The following RIOX2 variants were observed in gnomAD, a reference collection of about 807,000 sequenced individuals.
RIOX2 encodes 60S ribosomal protein L27a histidine hydroxylase.
RIOX2 carries 43 observed loss-of-function variants against 51.2 expected under a neutral mutation model. The ratio of observed to expected loss-of-function variants is 0.84; its 90% CI spans 0.66 to 1.08. The LOEUF (loss-of-function observed/expected upper bound fraction) is 1.08. RIOX2 is among the 50% of genes least tolerant of loss of function. RIOX2 has a pLI of 0.00. For synonymous variants in RIOX2, 226 were observed against 218.5 expected (o/e 1.03, Z -0.30); for missense variants, 566 against 561.7 (o/e 1.01, Z -0.08).
In RIOX2 at chr3:97,967,826, A is replaced by T. The variant is rs184563430; in HGVS notation, c.-39-194T>A. ...TCTTCTAAGATATGATTCAAGCTCAACCACCACTCAGATGACATATTCATC... is the reference window on the plus strand; with the variant it reads ...TCTTCTAAGATATGATTCAAGCTCATCCACCACTCAGATGACATATTCATC... On this transcript the variant is annotated intron_variant, in intron 1 of 9. Coordinates refer to ENST00000394198, the MANE Select transcript of RIOX2 (RefSeq NM_153182.4). 1.7e-3 allele frequency among the ~76,000 whole-genome samples: 260 copies of T among 152,310 alleles called. 3 individuals carry two copies. The highest frequency in any genetic ancestry group is 6.0e-3 in the African/African-American group (251 of 41,562).
chr3:97,959,881 T>A (rs1420453424), intron 3 of RIOX2, among the ~76,000 whole-genome samples: 1 of 152,216 alleles, frequency 6.6e-6, no homozygotes, highest in Non-Finnish European at 1.5e-5. Context: ...CCATTTGCAG[T>A]CAAGAAATGT....
At chr3:97,959,027 G>T (rs202065474) in intron 4 of RIOX2, 24 bp downstream of exon 4, 153 of 1,583,160 alleles carry the variant, frequency 9.7e-5, no homozygotes, top group Non-Finnish European at 1.3e-4. Flanking sequence ...TAACAATGAG[G>T]TGCCCACAAC....
At chr3:97,967,066 C>G in intron 2 of RIOX2, 96 bp downstream of exon 2, 1 of 1,314,270 alleles carries the variant, frequency 7.6e-7, no homozygotes, top group Non-Finnish European at 1.1e-6. Context: ...AAGAGACTAA[C>G]CATCATCAAA....
At position 97,944,841 on chromosome 3, in the gene RIOX2, G is replaced by T. The variant is rs2040316397; in HGVS notation, c.*343C>A. 1 of 167,784 alleles carries T rather than the reference G, an allele frequency of 6.0e-6. No homozygotes were observed. Among genetic ancestry groups the T allele is most frequent in the Admixed American group, 6.4e-5 (1 of 15,748 alleles). 10.4% of individuals were successfully genotyped at this position (167,784 alleles called of 1,614,324 possible). On this transcript the variant is annotated 3_prime_UTR_variant, in exon 10 of 10. Coordinates refer to ENST00000394198, the MANE Select transcript of RIOX2 (RefSeq NM_153182.4). ...TGTTTGAAATTTTTCTAGAGCCAAA[G>T]AAGCTCTTTAAAGAAGTTGTTTCTT...
rs911989343 is a variant in RIOX2, at chr3:97,943,378, C to T, written c.*1806G>A. 17 of 933,476 alleles carry T rather than the reference C, an allele frequency of 1.8e-5. No individual in the cohort carries two copies. The highest frequency in any genetic ancestry group is 2.7e-5 in the Non-Finnish European group (16 of 585,490). 57.8% of individuals were successfully genotyped at this position (933,476 alleles called of 1,614,324 possible). ...AAGAAGGAAACACATCTGTCATTGT[C>T]TTGTGGACGTGGAAAGGAAGCTACT... is the stretch of plus-strand genomic sequence containing the variant. On this transcript the variant is annotated 3_prime_UTR_variant, in exon 10 of 10. Coordinates refer to ENST00000394198, the MANE Select transcript of RIOX2 (RefSeq NM_153182.4).
chr3:97,956,486 T>C (rs1705454801), intron 4 of RIOX2, among the ~76,000 whole-genome samples: 1 of 152,140 alleles, frequency 6.6e-6, no homozygotes, highest in South Asian at 2.1e-4. Flanking sequence ...CATACAGATA[T>C]TGCCTCTAAA....
chr3:97,945,151 A>T lies in RIOX2; in HGVS notation c.*33T>A. The T allele has an allele frequency of 6.4e-7, 1 of 1,573,240 alleles. No individual in the cohort carries two copies. ...TTTGCTTTTCTTTTAATATATGCAT[A>T]TAAAATAGTAGGCATTTGATTCTGC... On this transcript the variant is annotated 3_prime_UTR_variant, in exon 10 of 10. Coordinates refer to ENST00000394198, the MANE Select transcript of RIOX2 (RefSeq NM_153182.4).
rs1192756704 is a variant in RIOX2 at position 97,954,439 on chromosome 3, C to T, written c.738G>A (p.Ala246=). 16 of 1,613,962 alleles carry T rather than the reference C, an allele frequency of 9.9e-6. No individual in the cohort carries two copies. Among genetic ancestry groups the T allele is most frequent in the South Asian group, 3.3e-5 (3 of 91,080 alleles). Residue 246 remains alanine, a synonymous_variant, in exon 5 of 10, where the codon GCG becomes GCA. Coordinates refer to ENST00000394198, the MANE Select transcript of RIOX2 (RefSeq NM_153182.4). ...RGTIHQADTP[A]GLAHSTHVTI... ...TCACGTGAGTAGAGTGGGCCAGCCC[C>T]GCAGGAGTGTCCGCTTGATGAATGG...
At chr3:97,952,303 C>A (rs528007526) in intron 5 of RIOX2, 1 of 1,134,574 alleles carries the variant, frequency 8.8e-7, no homozygotes, top group South Asian at 1.3e-5. Flanking sequence ...ATCATGGTAC[C>A]CACCCACAAT....
intron 7 of RIOX2, among the ~76,000 whole-genome samples, chr3:97,948,768 A>G (rs1370091032): frequency 1.3e-5 from 2 of 152,078 alleles, no homozygotes; most frequent in African/African-American, 2.4e-5. Flanking sequence ...TGAGTCCTAT[A>G]AGTCTTTTCT....
At chr3:97,953,299 C>T (rs1431114020) in intron 5 of RIOX2, among the ~76,000 whole-genome samples, 2 of 152,194 alleles carry the variant, frequency 1.3e-5, no homozygotes, top group Admixed American at 1.3e-4. Flanking sequence ...TCTCTCAAAA[C>T]CCCTTCGATA....
rs1409368848 is a variant in RIOX2, at chr3:97,945,856, T to C, written c.1181A>G (p.Tyr394Cys). Reference protein sequence around the residue: ...DEAQEKMVYIYHSLKNSRETH... With the variant: ...DEAQEKMVYICHSLKNSRETH... ...CTCTCTACTATTCTTTAAGGAATGA[T>C]AGATGTACACCATCTTTTCTTGAGC... The change falls in exon 9 of 10, where the codon TAT becomes TGT. Residue 394 changes from tyrosine (Y) to cysteine (C), a missense_variant. Physicochemically the swap from Tyr to Cys is radical, Grantham distance 194. Transcript: ENST00000394198. The C allele has an allele frequency of 1.9e-6, 3 of 1,610,470 alleles. No individual in the cohort carries two copies. The highest frequency in any genetic ancestry group is 2.2e-5 in the East Asian group (1 of 44,834).
chr3:97,950,516 C>T (rs1041564539), intron 6 of RIOX2, among the ~76,000 whole-genome samples: 2 of 152,150 alleles, frequency 1.3e-5, no homozygotes, highest in African/African-American at 4.8e-5. Flanking sequence ...TTCTCCTGGC[C>T]GTACTATTCA....
chr3:97,956,472 C>G (rs530634934), intron 4 of RIOX2, among the ~76,000 whole-genome samples: 3 of 152,084 alleles, frequency 2.0e-5, no homozygotes, highest in South Asian at 4.1e-4. Flanking sequence ...AAAACTCAGA[C>G]AGACATACAG....
chr3:97,954,989 G>C (rs1245163504), intron 4 of RIOX2, among the ~76,000 whole-genome samples: 1 of 152,116 alleles, frequency 6.6e-6, no homozygotes, highest in Non-Finnish European at 1.5e-5. Context: ...AACCTTACAG[G>C]ATTATTTTGA....
intron 7 of RIOX2, 87 bp from the exon 8 acceptor site, chr3:97,947,536 A>G (rs1315901042): frequency 1.0e-6 from 1 of 963,088 alleles, no homozygotes; most frequent in East Asian, 2.4e-5. Flanking sequence ...TAGGAAACAC[A>G]TTTACTAACA....
At chr3:97,947,527 A>G in intron 7 of RIOX2, 78 bp from the exon 8 acceptor site, 1 of 1,046,954 alleles carries the variant, frequency 9.6e-7, no homozygotes, top group Non-Finnish European at 1.5e-6. Flanking sequence ...ACATACACAT[A>G]GGAAACACAT....
Position 97,949,848 on chromosome 3 carries a change from T to C in RIOX2, c.1056A>G (p.Thr352=), listed in dbSNP as rs978431832. 7 of 1,613,072 alleles carry C rather than the reference T, an allele frequency of 4.3e-6. No homozygotes were observed. In the African/African-American group the frequency reaches 8.0e-5, roughly 18 times the overall value. The change falls in exon 7 of 10, where the codon ACA becomes ACG. Residue 352 remains threonine, a synonymous_variant. Transcript: ENST00000394198. Reference sequence around the variant, plus strand: ...GAAGAAAACAGCAAGCTCCACCTGGTGTTGACAGCTCTGCCCCATCTCCCG... The same window carrying C: ...GAAGAAAACAGCAAGCTCCACCTGGCGTTGACAGCTCTGCCCCATCTCCCG... ...YSAGDGAELS[T]PGGKLPRLDS... is the part of the protein sequence containing the mutation.
intron 5 of RIOX2, chr3:97,952,257 C>A (rs1705281410): frequency 7.8e-7 from 1 of 1,288,270 alleles, no homozygotes; most frequent in Non-Finnish European, 1.0e-6. Context: ...GCATCACTGT[C>A]CAAGACACAG....
Sources: allele counts gnomAD v4.1 joint callset (sites outside exome capture counted in the v4.1 genomes callset), GRCh38; gene constraint gnomAD v4.1.1; transcripts MANE v1.5; gene names NCBI Gene and HGNC (gene_info 2026-07-23, HGNC 2026-07-21).